The following PTPRD variants were observed in gnomAD, a reference collection of about 807,000 sequenced individuals.
PTPRD encodes protein tyrosine phosphatase receptor type D.
In PTPRD, 34 loss-of-function variants were observed where a neutral mutation model predicts 214.5. The ratio of observed to expected loss-of-function variants is 0.16; its 90% CI spans 0.12 to 0.21. The LOEUF is 0.21. Ranked by LOEUF, PTPRD falls within the 10% of genes least tolerant of loss-of-function variation. PTPRD has a pLI of 1.00. For missense variants in PTPRD, 2,545 were observed against 2,398.7 expected, an observed-to-expected ratio of 1.06 and a Z score of -1.27; for synonymous variants, 1,128 against 845.7, an observed-to-expected ratio of 1.33 and a Z score of -5.79.
chr9:8,498,598 T>G (rs2097328996), intron 25 of PTPRD, among the ~76,000 whole-genome samples: 1 of 152,184 alleles, frequency 6.6e-6, no homozygotes, highest in African/African-American at 2.4e-5. Flanking sequence ...CTTTCCAACT[T>G]TCACACAAAG....
At chr9:9,976,074 C>T (rs1270185901) in intron 4 of PTPRD, among the ~76,000 whole-genome samples, 2 of 152,158 alleles carry the variant, frequency 1.3e-5, no homozygotes, top group Non-Finnish European at 1.5e-5. Context: ...TGAAGACATT[C>T]CAGATGAAAC....
chr9:10,546,369 A>G (rs1454362886), intron 2 of PTPRD, among the ~76,000 whole-genome samples: 1 of 152,084 alleles, frequency 6.6e-6, no homozygotes, highest in Non-Finnish European at 1.5e-5. Context: ...TTTTCTATGC[A>G]AAAGAGAGAA....
At chr9:9,953,169 G>A (rs942979829) in intron 4 of PTPRD, among the ~76,000 whole-genome samples, 3 of 152,080 alleles carry the variant, frequency 2.0e-5, no homozygotes, top group Non-Finnish European at 2.9e-5. Flanking sequence ...ACTTTCCTGG[G>A]TCATGGTGTG....
chr9:9,860,192 A>T (rs2062416784), intron 5 of PTPRD, among the ~76,000 whole-genome samples: 1 of 152,242 alleles, frequency 6.6e-6, no homozygotes, highest in African/African-American at 2.4e-5. Context: ...GTATTTCACA[A>T]GATCTGCTTT....
intron 6 of PTPRD, among the ~76,000 whole-genome samples, chr9:9,763,760 CTTT>C (rs112903956): frequency 2.0e-5 from 3 of 151,654 alleles, no homozygotes; most frequent in African/African-American, 7.3e-5. Flanking sequence ...TGTCCTTCTT[CTTT>C]TTTGATAATT....
At chr9:9,790,887 A>AT (rs2098962253) in intron 5 of PTPRD, among the ~76,000 whole-genome samples, 1 of 152,218 alleles carries the variant, frequency 6.6e-6, no homozygotes. Flanking sequence ...AAGTACATGT[A>AT]AAAACCCAAA....
intron 10 of PTPRD, among the ~76,000 whole-genome samples, chr9:9,033,015 G>C (rs2099610523): frequency 6.6e-6 from 1 of 151,982 alleles, no homozygotes; most frequent in African/African-American, 2.4e-5. Flanking sequence ...CTGCAAAAAT[G>C]GTACTAATCA....
At chr9:10,578,014 C>T (rs954705064) in intron 2 of PTPRD, among the ~76,000 whole-genome samples, 2 of 151,240 alleles carry the variant, frequency 1.3e-5, no homozygotes, top group Non-Finnish European at 2.9e-5. Flanking sequence ...CAGGTTCAAG[C>T]GATTCTCTTG....
At chr9:9,350,688 C>A (rs571944846) in intron 9 of PTPRD, among the ~76,000 whole-genome samples, 20 of 152,122 alleles carry the variant, frequency 1.3e-4, no homozygotes, top group African/African-American at 4.1e-4. Context: ...TGGCCCTTCA[C>A]TCTGATTACT....
chr9:8,788,277 TTG>T (rs1555340220), intron 11 of PTPRD, among the ~76,000 whole-genome samples: 67 of 58,472 alleles, frequency 1.1e-3, no homozygotes, highest in South Asian at 3.1e-3. Flanking sequence ...TTTTTTTTTT[TTG>T]TGTGTGTGTG....
At chr9:8,974,941 A>G (rs900164068) in intron 11 of PTPRD, among the ~76,000 whole-genome samples, 2 of 151,772 alleles carry the variant, frequency 1.3e-5, no homozygotes, top group Non-Finnish European at 2.9e-5. Flanking sequence ...TACTAAAAAT[A>G]TAAAAATTAC....
At chr9:10,344,390 G>C (rs189956791) in intron 2 of PTPRD, among the ~76,000 whole-genome samples, 22 of 151,902 alleles carry the variant, frequency 1.4e-4, no homozygotes, top group Admixed American at 2.0e-4. Context: ...TGGTCTATAT[G>C]TCTGTTTTGG....
chr9:9,460,002 G>A (rs2093487119), intron 8 of PTPRD, among the ~76,000 whole-genome samples: 2 of 151,970 alleles, frequency 1.3e-5, no homozygotes, highest in South Asian at 2.1e-4. Context: ...TAGACACATC[G>A]ATCAACAGAA....
At chr9:8,444,753 T>C (rs1322497649) in intron 34 of PTPRD, among the ~76,000 whole-genome samples, 1 of 152,170 alleles carries the variant, frequency 6.6e-6, no homozygotes, top group Non-Finnish European at 1.5e-5. Flanking sequence ...AACATGTTGC[T>C]TTTGAAATTA....
chr9:9,232,562 A>T (rs1482664671), intron 9 of PTPRD, among the ~76,000 whole-genome samples: 1 of 152,198 alleles, frequency 6.6e-6, no homozygotes, highest in Non-Finnish European at 1.5e-5. Flanking sequence ...TCTGGAAGTA[A>T]TAAAAATACC....
intron 8 of PTPRD, among the ~76,000 whole-genome samples, chr9:9,500,151 T>C (rs1438071467): frequency 6.6e-6 from 1 of 152,112 alleles, no homozygotes; most frequent in East Asian, 1.9e-4. Context: ...AAAGCTACTT[T>C]TCATTCAGGA....
intron 14 of PTPRD, among the ~76,000 whole-genome samples, chr9:8,607,541 G>T (rs1231493497): frequency 6.6e-6 from 1 of 152,148 alleles, no homozygotes; most frequent in Non-Finnish European, 1.5e-5. Flanking sequence ...TGCTCAGGAG[G>T]CTGAGGCAGG....
chr9:9,582,548 T>G (rs2091060394), intron 7 of PTPRD, among the ~76,000 whole-genome samples: 1 of 152,078 alleles, frequency 6.6e-6, no homozygotes. Flanking sequence ...AGAAAGCAGA[T>G]TAAAGTTTAT....
chr9:10,547,277 A>G (rs540838822), intron 2 of PTPRD, among the ~76,000 whole-genome samples: 1 of 152,164 alleles, frequency 6.6e-6, no homozygotes, highest in South Asian at 2.1e-4. Context: ...ATTGATTTAT[A>G]GAATGTAGTT....
Sources: gnomAD v4.1 joint callset for allele counts (sites outside exome capture counted in the v4.1 genomes callset) on GRCh38, gnomAD v4.1.1 for gene constraint, MANE v1.5 for transcripts, NCBI Gene and HGNC (gene_info 2026-07-23, HGNC 2026-07-21) for gene names.